The following BUB1B variants were observed in gnomAD, a reference collection of about 807,000 sequenced individuals.
BUB1B encodes the protein BUB1 mitotic checkpoint serine/threonine kinase B.
BUB1B carries 86 observed loss-of-function variants against 137.7 expected under a neutral mutation model. That is an observed-to-expected ratio of 0.62 (90% confidence interval 0.52 to 0.75). The LOEUF is 0.75. Among genes scored for constraint, BUB1B ranks in the 30% least tolerant of loss-of-function variants. The pLI, the probability that BUB1B is intolerant of heterozygous loss-of-function variation, is 0.00. For synonymous variants in BUB1B, 420 were observed against 417.9 expected (o/e 1.00, Z -0.06); for missense variants, 1,130 against 1,236.9 (o/e 0.91, Z 1.30).
At chr15:40,200,877 AAC>A in intron 11 of BUB1B, 52 bp from the exon 12 acceptor site, 1 of 1,493,674 alleles carries the variant, frequency 6.7e-7, no homozygotes, top group Non-Finnish European at 9.3e-7. Context: ...TTAAAAATTA[AAC>A]AGTTCTTTCT....
intron 6 of BUB1B, 26 bp from the exon 7 acceptor site, chr15:40,185,139 T>G: frequency 6.4e-7 from 1 of 1,573,126 alleles, no homozygotes; most frequent in East Asian, 2.2e-5. Context: ...ACATTTTACA[T>G]GAGGTTTTAA....
intron 1 of BUB1B, among the ~76,000 whole-genome samples, chr15:40,162,527 T>C (rs531380360): frequency 2.0e-5 from 3 of 152,158 alleles, no homozygotes; most frequent in African/African-American, 7.2e-5. Context: ...CAAAAGTGAG[T>C]TGAGCCAGGT....
chr15:40,215,700 C>G (rs1288654518), intron 20 of BUB1B, among the ~76,000 whole-genome samples: 1 of 152,090 alleles, frequency 6.6e-6, no homozygotes, highest in African/African-American at 2.4e-5. Context: ...ACCCGGGAGG[C>G]AGAGCTTGCA....
chr15:40,199,312 T>A (rs749962387), intron 9 of BUB1B, among the ~76,000 whole-genome samples: 14 of 152,248 alleles, frequency 9.2e-5, no homozygotes, highest in Middle Eastern at 3.2e-3. Context: ...TAGTATCACA[T>A]AACCAAGGAC....
At position 40,208,711 on chromosome 15, in the gene BUB1B, C is replaced by A. The variant is rs751226858; in HGVS notation, c.2084C>A (p.Thr695Asn). The A allele has an allele frequency of 4.3e-6, 7 of 1,613,716 alleles. No homozygotes were observed. The highest frequency in any genetic ancestry group is 5.9e-6 in the Non-Finnish European group (7 of 1,179,692). The change falls in exon 16 of 23, where the codon ACC (threonine) becomes AAC (asparagine). Residue 695 changes from threonine to asparagine, a missense_variant. Coordinates refer to ENST00000287598, the MANE Select transcript of BUB1B (RefSeq NM_001211.6). ...FSGSSASVAS[T>N]SSIKCLQIPE... The stretch of plus-strand genomic sequence containing the variant: ...GGTTCTTCTGCCTCGGTTGCAAGCA[C>A]CTCCTCCATCAAATGTCTTCAAATT...
chr15:40,185,094 G>T, intron 6 of BUB1B, 71 bp from the exon 7 acceptor site: 1 of 1,279,548 alleles, frequency 7.8e-7, no homozygotes, highest in Non-Finnish European at 1.1e-6. Context: ...AGGAAGAATA[G>T]GTATACTTTA....
intron 9 of BUB1B, among the ~76,000 whole-genome samples, chr15:40,198,312 A>AACTCCTGGTCTCAAACTCCTGG (rs1283507200): frequency 6.6e-6 from 1 of 151,886 alleles, no homozygotes; most frequent in Non-Finnish European, 1.5e-5. Flanking sequence ...CCTGGGCTCA[A>AACTCCTGGTCTCAAACTCCTGG]GCTATCCTTC....
At chr15:40,214,639 A>T (rs1311075087) in intron 20 of BUB1B, among the ~76,000 whole-genome samples, 1 of 152,188 alleles carries the variant, frequency 6.6e-6, no homozygotes, top group Non-Finnish European at 1.5e-5. Flanking sequence ...AATTAAAAGA[A>T]CCCTCAATGT....
At chr15:40,180,967 A>G (rs2037285155) in intron 5 of BUB1B, among the ~76,000 whole-genome samples, 6 of 151,872 alleles carry the variant, frequency 4.0e-5, no homozygotes, top group Admixed American at 3.9e-4. Flanking sequence ...TTCTAATAAG[A>G]AATCTGTAGT....
rs2037896155 is a variant in BUB1B at position 40,220,881 on chromosome 15, A to G, written c.*122A>G. The G allele has an allele frequency of 1.9e-6, 2 of 1,033,796 alleles. No homozygotes were observed. Among genetic ancestry groups the G allele is most frequent in the Admixed American group, 3.9e-5 (2 of 51,486 alleles). 64.0% of individuals were successfully genotyped at this position (1,033,796 alleles called of 1,614,324 possible). ...TTAGATGCACTACCATTGCTGTTCTACTTTTTGGTACAGGTATATTTTGAC... is the reference window on the plus strand; with the variant it reads ...TTAGATGCACTACCATTGCTGTTCTGCTTTTTGGTACAGGTATATTTTGAC... On this transcript the variant is annotated 3_prime_UTR_variant, in exon 23 of 23. Coordinates refer to ENST00000287598, the MANE Select transcript of BUB1B (RefSeq NM_001211.6).
intron 8 of BUB1B, among the ~76,000 whole-genome samples, chr15:40,190,341 G>A (rs375503278): frequency 3.4e-4 from 52 of 152,028 alleles, no homozygotes; most frequent in African/African-American, 1.2e-3. Flanking sequence ...CATGGTGGCT[G>A]ATGCCTTTAA....
At chr15:40,198,970 A>C (rs759423584) in intron 9 of BUB1B, among the ~76,000 whole-genome samples, 8 of 152,108 alleles carry the variant, frequency 5.3e-5, no homozygotes, top group Non-Finnish European at 1.2e-4. Context: ...CTACCTCTCC[A>C]ACCCCATCTT....
At chr15:40,166,594 C>G (rs2037101417) in intron 2 of BUB1B, 1 of 220,050 alleles carries the variant, frequency 4.5e-6, no homozygotes, top group Non-Finnish European at 9.2e-6. Context: ...CCCGCCTCAG[C>G]CTCCCAAAGT....
intron 5 of BUB1B, among the ~76,000 whole-genome samples, chr15:40,177,867 T>C (rs906812099): frequency 1.3e-5 from 2 of 151,858 alleles, no homozygotes; most frequent in African/African-American, 4.8e-5. Flanking sequence ...GTTAATGAGT[T>C]TGTGGGCATA....
At chr15:40,197,023 GT>G (rs2037507399) in intron 9 of BUB1B, among the ~76,000 whole-genome samples, 1 of 152,152 alleles carries the variant, frequency 6.6e-6, no homozygotes, top group Non-Finnish European at 1.5e-5. Context: ...GGGGCACTGA[GT>G]ATGTTTAGAA....
intron 20 of BUB1B, among the ~76,000 whole-genome samples, chr15:40,214,208 A>G (rs1344584876): frequency 1.3e-5 from 2 of 152,244 alleles, no homozygotes; most frequent in African/African-American, 4.8e-5. Context: ...GGGTAAAACC[A>G]GAGTTCAAAT....
chr15:40,211,835 T>C (rs968964570), intron 18 of BUB1B, among the ~76,000 whole-genome samples: 7 of 151,672 alleles, frequency 4.6e-5, no homozygotes, highest in Admixed American at 1.3e-4. Flanking sequence ...TTTTTTTTTT[T>C]CTTCGAGACG....
chr15:40,182,083 A>C (rs1480116103), intron 5 of BUB1B, among the ~76,000 whole-genome samples: 1 of 152,206 alleles, frequency 6.6e-6, no homozygotes, highest in Non-Finnish European at 1.5e-5. Flanking sequence ...GGGTGCCTGC[A>C]ATCTCAGCTA....
At chr15:40,204,413 T>A in intron 14 of BUB1B, among the ~76,000 whole-genome samples, 1 of 150,356 alleles carries the variant, frequency 6.7e-6, no homozygotes, top group Non-Finnish European at 1.5e-5. Flanking sequence ...ATATGCTTAA[T>A]TGTTAAAGGA....
Sources: allele counts gnomAD v4.1 joint callset (sites outside exome capture counted in the v4.1 genomes callset), GRCh38; gene constraint gnomAD v4.1.1; transcripts MANE v1.5; gene names NCBI Gene and HGNC (gene_info 2026-07-23, HGNC 2026-07-21).